The following MAGI2 variants were observed in gnomAD, a reference collection of about 807,000 sequenced individuals.
MAGI2 encodes the protein membrane-associated guanylate kinase, WW and PDZ domain-containing protein 2.
MAGI2 carries 35 observed loss-of-function variants against 133.3 expected under a neutral mutation model. That is an observed-to-expected ratio of 0.26 (90% CI 0.20 to 0.35). The LOEUF (loss-of-function observed/expected upper bound fraction) is 0.35, where lower values mean the gene tolerates loss of function less well. MAGI2 is among the 10% of genes least tolerant of loss of function. The pLI, the probability that MAGI2 is intolerant of heterozygous loss-of-function variation, is 1.00. For synonymous variants in MAGI2, 729 were observed against 710.6 expected, an observed-to-expected ratio of 1.03 and a Z score of -0.41; for missense variants, 1,636 against 1,863.4, an observed-to-expected ratio of 0.88 and a Z score of 2.25.
At chr7:78,856,722 C>G (rs1262139444) in intron 2 of MAGI2, among the ~76,000 whole-genome samples, 1 of 152,084 alleles carries the variant, frequency 6.6e-6, no homozygotes, top group East Asian at 1.9e-4. Context: ...TTAGGATTGT[C>G]TTGGCAATGT....
chr7:78,401,397 C>T (rs1796847061), intron 6 of MAGI2, among the ~76,000 whole-genome samples: 2 of 152,126 alleles, frequency 1.3e-5, no homozygotes, highest in Non-Finnish European at 2.9e-5. Context: ...GGCTTGGCTA[C>T]ACATTTTAAA....
Position 78,330,414 on chromosome 7 carries a change from G to T in MAGI2, c.1408+13364C>A, listed in dbSNP as rs946672417. 3.3e-4 allele frequency among the ~76,000 whole-genome samples: 13 copies of T among 39,820 alleles called. 3 individuals carry two copies. The East Asian group carries it at 3.7e-3, about 11-fold the overall frequency. The allele number at this position is 39,820 out of a possible 152,430, so 26.1% of individuals were successfully genotyped here. ...GGGCGGATCACGAGGTCAGGAGATC[G>T]AGACCATCCTGGCTAACACGGTGAA... On this transcript the variant is annotated intron_variant, in intron 9 of 21. Transcript: ENST00000354212.
At chr7:78,949,245 T>C (rs1801677187) in intron 2 of MAGI2, among the ~76,000 whole-genome samples, 1 of 152,216 alleles carries the variant, frequency 6.6e-6, no homozygotes, top group Non-Finnish European at 1.5e-5. Flanking sequence ...TATGATGGCA[T>C]AATGCCTGAT....
At chr7:79,270,999 C>T (rs1834833770) in intron 1 of MAGI2, among the ~76,000 whole-genome samples, 1 of 152,004 alleles carries the variant, frequency 6.6e-6, no homozygotes, top group Admixed American at 6.6e-5. Flanking sequence ...TCCCCTATTT[C>T]CTTTACTGCT....
chr7:78,145,542 G>A (rs1218044852), intron 16 of MAGI2, among the ~76,000 whole-genome samples: 1 of 152,080 alleles, frequency 6.6e-6, no homozygotes, highest in Admixed American at 6.5e-5. Flanking sequence ...AGGTCATAAG[G>A]ATTACGCCCT....
At chr7:79,436,572 C>A (rs1848159875) in intron 1 of MAGI2, among the ~76,000 whole-genome samples, 1 of 152,084 alleles carries the variant, frequency 6.6e-6, no homozygotes, top group South Asian at 2.1e-4. Flanking sequence ...CAAAAATAAA[C>A]AAGTGGTCAA....
rs1562865611 is a variant in MAGI2, at chr7:79,077,598, AAT to A, written c.302-70394_302-70393del. 5.7e-3 allele frequency among the ~76,000 whole-genome samples: 279 copies of A among 48,680 alleles called. 10 individuals carry two copies. The highest frequency in any genetic ancestry group is 0.021 in the African/African-American group (265 of 12,840). 31.9% of individuals were successfully genotyped at this position (48,680 alleles called of 152,430 possible). A position where few individuals can be genotyped will look rare whatever the true frequency, so the allele number is the denominator to read the frequency against. ...TCAAAAAAAAAAAAAAAAAAAAATA[AAT>A]AAATAAATAAATTCCCTTTTGCTTA... On this transcript the variant is annotated intron_variant, in intron 1 of 21. Transcript: ENST00000354212.
intron 2 of MAGI2, among the ~76,000 whole-genome samples, chr7:78,780,538 C>T (rs10235632): frequency 0.42 from 63,949 of 152,036 alleles, 13,690 homozygotes; most frequent in Non-Finnish European, 0.47. Flanking sequence ...CTTTCAGTTC[C>T]GTAATATAAC....
intron 6 of MAGI2, among the ~76,000 whole-genome samples, chr7:78,461,943 A>AGGAAG (rs1268741293): frequency 7.1e-6 from 1 of 140,226 alleles, no homozygotes; most frequent in Non-Finnish European, 1.5e-5. Flanking sequence ...AAAAAAAAAA[A>AGGAAG]AAAAGAAAGA....
chr7:79,164,640 G>T (rs1364447464), intron 1 of MAGI2, among the ~76,000 whole-genome samples: 1 of 151,900 alleles, frequency 6.6e-6, no homozygotes, highest in African/African-American at 2.4e-5. Context: ...CAGGTCTTTA[G>T]ACAAAGTCAA....
At chr7:78,661,837 G>A (rs1496782) in intron 2 of MAGI2, among the ~76,000 whole-genome samples, 41,590 of 152,070 alleles carry the variant, frequency 0.27, 6,053 homozygotes, top group Admixed American at 0.32. Flanking sequence ...AGAAGACTCA[G>A]AGTGAGTCAA....
At chr7:79,067,221 T>C (rs1814444282) in intron 1 of MAGI2, among the ~76,000 whole-genome samples, 2 of 152,208 alleles carry the variant, frequency 1.3e-5, no homozygotes, top group Admixed American at 1.3e-4. Flanking sequence ...TTCATGATAT[T>C]GATTCTTCCT....
chr7:78,552,176 C>CTTTTTTT (rs869196799), intron 3 of MAGI2, among the ~76,000 whole-genome samples: 7 of 90,342 alleles, frequency 7.7e-5, no homozygotes, highest in East Asian at 3.8e-4. Flanking sequence ...ATTTGTTTTC[C>CTTTTTTT]TTTTTTTTTT....
At chr7:78,909,125 A>G (rs1003818409) in intron 2 of MAGI2, among the ~76,000 whole-genome samples, 7 of 151,632 alleles carry the variant, frequency 4.6e-5, no homozygotes, top group Non-Finnish European at 1.0e-4. Flanking sequence ...AAGAAAAAAA[A>G]AAAAAACCCC....
At chr7:78,866,490 A>G (rs1794565038) in intron 2 of MAGI2, among the ~76,000 whole-genome samples, 2 of 151,974 alleles carry the variant, frequency 1.3e-5, no homozygotes, top group East Asian at 2.0e-4. Context: ...ACCATTAGTC[A>G]AGTTTCTATC....
At chr7:78,746,674 C>T (rs1217701890) in intron 2 of MAGI2, among the ~76,000 whole-genome samples, 1 of 152,218 alleles carries the variant, frequency 6.6e-6, no homozygotes, top group Non-Finnish European at 1.5e-5. Context: ...GGACTTTCTT[C>T]CATGCCACTA....
intron 3 of MAGI2, among the ~76,000 whole-genome samples, chr7:78,547,315 G>A (rs1370350722): frequency 6.6e-6 from 1 of 152,208 alleles, no homozygotes; most frequent in Non-Finnish European, 1.5e-5. Context: ...CATAGTGGTG[G>A]TGGATTAAGG....
intron 9 of MAGI2, among the ~76,000 whole-genome samples, chr7:78,335,196 G>A (rs558071135): frequency 1.3e-5 from 2 of 152,196 alleles, no homozygotes; most frequent in East Asian, 3.9e-4. Flanking sequence ...TTCTTGGCTG[G>A]GAGGGCAGCA....
chr7:78,551,416 A>T (rs148497764), intron 3 of MAGI2, among the ~76,000 whole-genome samples: 5 of 152,336 alleles, frequency 3.3e-5, no homozygotes, highest in African/African-American at 1.2e-4. Context: ...TCTCTTCCAC[A>T]AGATTTATTG....
Sources: allele counts gnomAD v4.1 joint callset (sites outside exome capture counted in the v4.1 genomes callset), GRCh38; gene constraint gnomAD v4.1.1; transcripts MANE v1.5; gene names NCBI Gene and HGNC (gene_info 2026-07-23, HGNC 2026-07-21).